The following ZNF592 variants were observed in gnomAD, a reference collection of about 807,000 sequenced individuals.
ZNF592 encodes zinc finger protein 592.
In ZNF592, 11 loss-of-function variants were observed where a neutral mutation model predicts 80.3. The ratio of observed to expected loss-of-function variants is 0.14; its 90% CI spans 0.09 to 0.23. The LOEUF (loss-of-function observed/expected upper bound fraction) is 0.23, where lower values mean the gene tolerates loss of function less well. Among genes scored for constraint, ZNF592 ranks in the 10% least tolerant of loss-of-function variants. The pLI is 1.00. For missense variants in ZNF592, 1,420 were observed against 1,633.9 expected, an observed-to-expected ratio of 0.87 and a Z score of 2.26; for synonymous variants, 646 against 640.3, an observed-to-expected ratio of 1.01 and a Z score of -0.13.
chr15:84,750,856 A>C (rs1898993473), intron 1 of ZNF592, among the ~76,000 whole-genome samples: 1 of 152,156 alleles, frequency 6.6e-6, no homozygotes, highest in Admixed American at 6.5e-5. Context: ...TCTGGAGACT[A>C]GGGCCAAATT....
chr15:84,775,261 A>G (rs1310893876), intron 2 of ZNF592, among the ~76,000 whole-genome samples: 1 of 151,730 alleles, frequency 6.6e-6, no homozygotes, highest in African/African-American at 2.4e-5. Context: ...ATACCTGGCT[A>G]ATTTTTGTAT....
At position 84,779,231 on chromosome 15, in the gene ZNF592, G is replaced by A. The variant is rs147342501; in HGVS notation, c.-20+919G>A. 3.9e-5 allele frequency among the ~76,000 whole-genome samples: 6 copies of A among 152,268 alleles called. No homozygotes were observed. The East Asian group carries it at 1.2e-3, about 29-fold the overall frequency. On this transcript the variant is annotated intron_variant, in intron 3 of 10. Coordinates refer to ENST00000560079, the MANE Select transcript of ZNF592 (RefSeq NM_014630.3). ...TTAACTTTGTGCTGGCAGGTTTTCG[G>A]TAAATAGAACTTTTTTATTGGTTGT... is the stretch of plus-strand genomic sequence containing the variant.
At chr15:84,761,886 C>G (rs996232230) in intron 1 of ZNF592, among the ~76,000 whole-genome samples, 5 of 152,208 alleles carry the variant, frequency 3.3e-5, no homozygotes, top group African/African-American at 4.8e-5. Flanking sequence ...CTTTGACGAA[C>G]AAACCCATTG....
At chr15:84,801,791 G>A (rs1337712647) in intron 10 of ZNF592, 72 bp from the exon 11 acceptor site, 1 of 1,612,096 alleles carries the variant, frequency 6.2e-7, no homozygotes, top group Non-Finnish European at 8.5e-7. Context: ...GAGTCCTTGG[G>A]CTCATGGTTA....
Position 84,798,538 on chromosome 15 carries a change from C to T in ZNF592, c.2737-50C>T. ...CATGCCTCAGGCTGGGGGTCTGACT[C>T]TGTGCATCTTTCCCCTTGCCCAGTC... On this transcript the variant is annotated intron_variant, in intron 7 of 10. Transcript: ENST00000560079. The surrounding 1 kb of genome is among the most constrained non-coding windows in gnomAD (Gnocchi z 4.5). The T allele has an allele frequency of 6.2e-7, 1 of 1,613,956 alleles. No homozygotes were observed. Among genetic ancestry groups the T allele is most frequent in the Non-Finnish European group, 8.5e-7 (1 of 1,179,958 alleles).
At chr15:84,762,998 AG>A (rs1899396738) in intron 1 of ZNF592, among the ~76,000 whole-genome samples, 1 of 152,210 alleles carries the variant, frequency 6.6e-6, no homozygotes, top group African/African-American at 2.4e-5. Context: ...CATTATGGCA[AG>A]GGCTGTGGTG....
At chr15:84,796,221 C>CAAAAAAAAAAAAAA (rs753718341) in intron 5 of ZNF592, among the ~76,000 whole-genome samples, 2 of 25,432 alleles carry the variant, frequency 7.9e-5, no homozygotes, top group Non-Finnish European at 7.3e-5. Context: ...GACTCTGTCT[C>CAAAAAAAAAAAAAA]AAAAAAAAAA....
chr15:84,779,984 G>GTTT (rs72491489), intron 3 of ZNF592, among the ~76,000 whole-genome samples: 14 of 131,756 alleles, frequency 1.1e-4, no homozygotes, highest in East Asian at 2.4e-4. Context: ...TTCCTAGACA[G>GTTT]TTTTGTTTTT....
At chr15:84,782,175 C>T (rs965769632) in intron 3 of ZNF592, among the ~76,000 whole-genome samples, 1 of 152,128 alleles carries the variant, frequency 6.6e-6, no homozygotes, top group African/African-American at 2.4e-5. Flanking sequence ...TGAATTTATG[C>T]AGAAAGAAAC....
chr15:84,750,037 C>G (rs147064584), intron 1 of ZNF592, among the ~76,000 whole-genome samples: 2 of 152,216 alleles, frequency 1.3e-5, no homozygotes, highest in South Asian at 2.1e-4. Flanking sequence ...CGCGGTGGCT[C>G]GCGCCTGTAA....
intron 2 of ZNF592, among the ~76,000 whole-genome samples, chr15:84,776,154 A>G (rs1347284013): frequency 6.6e-6 from 1 of 152,172 alleles, no homozygotes; most frequent in Non-Finnish European, 1.5e-5. Flanking sequence ...GTCTGGATCT[A>G]TCTAGCTCGT....
rs949836210 is a variant in ZNF592 at position 84,799,534 on chromosome 15, C to T, written c.3138-308C>T. On this transcript the variant is annotated intron_variant, in intron 9 of 10. Coordinates refer to ENST00000560079, the MANE Select transcript of ZNF592 (RefSeq NM_014630.3). The surrounding 1 kb of genome is among the most constrained non-coding windows in gnomAD (Gnocchi z 4.2). ...GCCGAGAGGCTTCTGCACCATCTGC[C>T]TGTGCCTTGGGGTGGCCCCAGGCCC... Among the ~76,000 whole-genome samples the T allele has an allele frequency of 6.6e-6, 1 of 152,216 alleles. No homozygotes were observed. The highest frequency in any genetic ancestry group is 1.5e-5 in the Non-Finnish European group (1 of 68,034).
intron 2 of ZNF592, among the ~76,000 whole-genome samples, chr15:84,768,723 A>G (rs1291318984): frequency 6.6e-6 from 1 of 152,154 alleles, no homozygotes; most frequent in Non-Finnish European, 1.5e-5. Flanking sequence ...CAGCCATTAC[A>G]GGGATCCAGG....
At chr15:84,800,041 T>C in intron 10 of ZNF592, 64 bp downstream of exon 10, 1 of 1,611,242 alleles carries the variant, frequency 6.2e-7, no homozygotes, top group South Asian at 1.1e-5. Context: ...TGGAAGGGCA[T>C]TAGGAAGGCT....
intron 5 of ZNF592, among the ~76,000 whole-genome samples, chr15:84,792,422 A>G (rs1962775563): frequency 6.6e-6 from 1 of 152,048 alleles, no homozygotes; most frequent in Non-Finnish European, 1.5e-5. Context: ...TTTTGCAATG[A>G]CTCCCACATT....
chr15:84,783,379 C>T lies in ZNF592; in HGVS notation c.704C>T (p.Thr235Ile). The change falls in exon 4 of 11, where the codon ACT becomes ATT. Residue 235 changes from threonine to isoleucine, a missense_variant. Coordinates refer to ENST00000560079, the MANE Select transcript of ZNF592 (RefSeq NM_014630.3). The surrounding 1 kb of genome is among the most constrained non-coding windows in gnomAD (Gnocchi z 5.0). ...GAACCTCACAAGGATCCGGATGCCA[C>T]TCGATTCTTCGGGGAAGCTTTGGAG... ...TVEPHKDPDA[T>I]RFFGEALEFN... 1 of 1,614,216 alleles carries T rather than the reference C, an allele frequency of 6.2e-7. No individual in the cohort carries two copies. The highest frequency in any genetic ancestry group is 8.5e-7 in the Non-Finnish European group (1 of 1,180,052).
intron 5 of ZNF592, among the ~76,000 whole-genome samples, chr15:84,794,685 C>A (rs1962845281): frequency 6.6e-6 from 1 of 152,176 alleles, no homozygotes; most frequent in African/African-American, 2.4e-5. Context: ...CCATTTTGGT[C>A]AGGCTGGTCT....
At chr15:84,788,897 T>C (rs1596127940) in intron 4 of ZNF592, among the ~76,000 whole-genome samples, 1 of 152,116 alleles carries the variant, frequency 6.6e-6, no homozygotes, top group East Asian at 1.9e-4. Flanking sequence ...TTCATTTATG[T>C]TGTAGCATAT....
Position 84,802,350 on chromosome 15 carries a change from C to A in ZNF592, c.3761C>A (p.Ala1254Asp). The change falls in exon 11 of 11, where the codon GCC becomes GAC. Residue 1254 changes from alanine to aspartate, a missense_variant. Physicochemically the swap from Ala to Asp is moderately radical, Grantham distance 126. Around this residue, in one of 7 missense-constraint regions of ZNF592, gnomAD observed 24 missense variants for 16.7 expected, o/e 1.44. Coordinates refer to ENST00000560079, the MANE Select transcript of ZNF592 (RefSeq NM_014630.3). ...CACAATGATCACAGTCAACCACAGG[C>A]CTCTCAGGACCAGGACAGCCACACA... ...GGHNDHSQPQ[A>D]SQDQDSHTLS... 2 of 1,613,858 alleles carry A rather than the reference C, an allele frequency of 1.2e-6. No individual in the cohort carries two copies. The highest frequency in any genetic ancestry group is 2.2e-5 in the South Asian group (2 of 91,076).
Sources: gnomAD v4.1 joint callset for allele counts (sites outside exome capture counted in the v4.1 genomes callset) on GRCh38, gnomAD v4.1.1 for gene constraint, gnomAD v4.1.1 regional missense constraint, Gnocchi (gnomAD v3.1) non-coding constraint, MANE v1.5 for transcripts, NCBI Gene and HGNC (gene_info 2026-07-23, HGNC 2026-07-21) for gene names.